The following RBFOX1 variants were observed in gnomAD, a reference collection of about 807,000 sequenced individuals.
The protein encoded by RBFOX1 is RNA binding protein fox-1 homolog 1.
A neutral mutation model predicts 57.7 loss-of-function variants in RBFOX1; 8 were observed. That is an observed-to-expected ratio of 0.14 (90% CI 0.08 to 0.25). The LOEUF is 0.25. RBFOX1 is among the 10% of genes least tolerant of loss of function. The pLI is 1.00. For synonymous variants in RBFOX1, 326 were observed against 222.4 expected, an observed-to-expected ratio of 1.47 and a Z score of -4.15; for missense variants, 611 against 548.5, an observed-to-expected ratio of 1.11 and a Z score of -1.14.
chr16:6,038,231 G>C (rs1164298772), intron 1 of RBFOX1: 3 of 149,352 alleles, frequency 2.0e-5, no homozygotes, highest in Non-Finnish European at 4.4e-5. Context: ...ATCCAGGCTG[G>C]AGTGCAGTGG....
chr16:6,636,304 G>C (rs567467916), intron 2 of RBFOX1, among the ~76,000 whole-genome samples: 14 of 152,218 alleles, frequency 9.2e-5, no homozygotes, highest in African/African-American at 3.4e-4. Flanking sequence ...CCGAGTAGCT[G>C]GGACTAGAGG....
At chr16:7,227,109 T>G (rs1167741205) in intron 4 of RBFOX1, among the ~76,000 whole-genome samples, 1 of 152,156 alleles carries the variant, frequency 6.6e-6, no homozygotes, top group Non-Finnish European at 1.5e-5. Context: ...ACCTGTTTGG[T>G]CCTGGAGATA....
intron 3 of RBFOX1, among the ~76,000 whole-genome samples, chr16:6,936,882 C>T (rs1299194153): frequency 1.4e-5 from 2 of 142,668 alleles, no homozygotes; most frequent in African/African-American, 5.3e-5. Flanking sequence ...TTTTTAAGAT[C>T]CATCAGCCAG....
chr16:7,302,455 T>A (rs575746181), intron 4 of RBFOX1, among the ~76,000 whole-genome samples: 2 of 152,054 alleles, frequency 1.3e-5, no homozygotes, highest in Non-Finnish European at 2.9e-5. Flanking sequence ...ATTTGGGATG[T>A]CCCTGGTGGC....
chr16:6,789,743 C>T (rs897259629), intron 3 of RBFOX1, among the ~76,000 whole-genome samples: 1 of 152,098 alleles, frequency 6.6e-6, no homozygotes, highest in African/African-American at 2.4e-5. Flanking sequence ...ACACAGAAGT[C>T]TGCATAGTAG....
chr16:6,309,640 C>T (rs766929229), intron 1 of RBFOX1, among the ~76,000 whole-genome samples: 2 of 151,582 alleles, frequency 1.3e-5, no homozygotes, highest in African/African-American at 2.4e-5. Context: ...AACACACCAA[C>T]AATAAGGCTC....
chr16:5,308,706 G>A (rs2067936), intron 1 of RBFOX1, among the ~76,000 whole-genome samples: 8,780 of 151,650 alleles, frequency 0.058, 381 homozygotes, highest in African/African-American at 0.13. Context: ...GGAGTTTATA[G>A]TTGCCTTTAT....
intron 3 of RBFOX1, among the ~76,000 whole-genome samples, chr16:6,696,854 A>T (rs2061127695): frequency 6.6e-6 from 1 of 152,222 alleles, no homozygotes; most frequent in Non-Finnish European, 1.5e-5. Flanking sequence ...TGCTCTACTG[A>T]GAAATAGTAT....
At chr16:6,717,080 C>G (rs1704929609) in intron 3 of RBFOX1, among the ~76,000 whole-genome samples, 1 of 152,172 alleles carries the variant, frequency 6.6e-6, no homozygotes, top group African/African-American at 2.4e-5. Flanking sequence ...GAGTTCCCTT[C>G]CCACACACCA....
At chr16:7,041,942 G>A (rs1027712975) in intron 3 of RBFOX1, among the ~76,000 whole-genome samples, 4 of 152,150 alleles carry the variant, frequency 2.6e-5, no homozygotes, top group African/African-American at 9.7e-5. Context: ...TGGGGAAATT[G>A]CCTGCAGAGA....
chr16:5,728,718 C>T (rs1193676060), intron 3 of RBFOX1, among the ~76,000 whole-genome samples: 1 of 152,172 alleles, frequency 6.6e-6, no homozygotes, highest in Middle Eastern at 3.2e-3. Context: ...GGCTGAGAGT[C>T]TCCTGAAATA....
chr16:5,854,740 A>G (rs2056982329), intron 3 of RBFOX1, among the ~76,000 whole-genome samples: 1 of 152,054 alleles, frequency 6.6e-6, no homozygotes, highest in Non-Finnish European at 1.5e-5. Context: ...TTTCCTTTGG[A>G]TAGGTACTCA....
chr16:7,185,059 A>C (rs1295920840), intron 4 of RBFOX1, among the ~76,000 whole-genome samples: 1 of 152,234 alleles, frequency 6.6e-6, no homozygotes, highest in African/African-American at 2.4e-5. Context: ...GAAATTGTGC[A>C]GTAAGTACAT....
intron 4 of RBFOX1, among the ~76,000 whole-genome samples, chr16:5,900,620 C>T (rs944884615): frequency 6.6e-6 from 1 of 152,186 alleles, no homozygotes. Flanking sequence ...CCAGGCCATC[C>T]CTCTAGCCCA....
chr16:5,681,592 C>T (rs2050340940), intron 3 of RBFOX1, among the ~76,000 whole-genome samples: 1 of 151,316 alleles, frequency 6.6e-6, no homozygotes, highest in Non-Finnish European at 1.5e-5. Flanking sequence ...GGACTTTCTC[C>T]ATGTTGGTCA....
At chr16:5,657,666 C>CTTTCT (rs201626060) in intron 3 of RBFOX1, among the ~76,000 whole-genome samples, 11 of 98,590 alleles carry the variant, frequency 1.1e-4, no homozygotes, top group African/African-American at 4.5e-4. Flanking sequence ...TCTTTTCTTT[C>CTTTCT]TTTCTTTTCT....
intron 3 of RBFOX1, among the ~76,000 whole-genome samples, chr16:6,719,468 T>C (rs1482883186): frequency 6.6e-6 from 1 of 150,758 alleles, no homozygotes; most frequent in African/African-American, 2.4e-5. Flanking sequence ...TGAGACAGAG[T>C]CTTGCTCTGT....
chr16:7,260,977 T>C (rs1181688855), intron 4 of RBFOX1, among the ~76,000 whole-genome samples: 5 of 152,148 alleles, frequency 3.3e-5, no homozygotes, highest in Non-Finnish European at 7.4e-5. Context: ...AGAAAGTTCA[T>C]GGCAAAAGAT....
chr16:6,482,639 G>C (rs1314455804), intron 2 of RBFOX1, among the ~76,000 whole-genome samples: 1 of 152,134 alleles, frequency 6.6e-6, no homozygotes, highest in African/African-American at 2.4e-5. Context: ...TTCTCATTTA[G>C]TACGTAACGT....
Sources: allele counts gnomAD v4.1 joint callset (sites outside exome capture counted in the v4.1 genomes callset), GRCh38; gene constraint gnomAD v4.1.1; transcripts MANE v1.5; gene names NCBI Gene and HGNC (gene_info 2026-07-23, HGNC 2026-07-21).